PDE4D: variants seen among roughly 807,000 people sequenced by gnomAD.
PDE4D encodes phosphodiesterase 4D.
Under a neutral mutation model 87.4 loss-of-function variants are expected in PDE4D, and 24 were observed. The ratio of observed to expected loss-of-function variants is 0.27; its 90% CI spans 0.20 to 0.39. The LOEUF is 0.39. Ranked by LOEUF, PDE4D falls within the 10% of genes least tolerant of loss-of-function variation. PDE4D has a pLI of 1.00. For synonymous variants in PDE4D, 384 were observed against 383.2 expected, an observed-to-expected ratio of 1.00 and a Z score of -0.02; for missense variants, 714 against 1,041.0, an observed-to-expected ratio of 0.69 and a Z score of 4.32.
intron 1 of PDE4D, among the ~76,000 whole-genome samples, chr5:60,450,788 C>T (rs909437630): frequency 6.6e-6 from 1 of 152,058 alleles, no homozygotes; most frequent in African/African-American, 2.4e-5. Flanking sequence ...TCTTCAACTG[C>T]AGAAAATAGG....
chr5:60,309,109 C>G (rs773086076), intron 1 of PDE4D, among the ~76,000 whole-genome samples: 2 of 151,862 alleles, frequency 1.3e-5, no homozygotes, highest in East Asian at 3.9e-4. Context: ...GTTAATATTA[C>G]TTAAATATTG....
intron 3 of PDE4D, among the ~76,000 whole-genome samples, chr5:59,967,788 C>T (rs1261368412): frequency 1.3e-5 from 2 of 152,092 alleles, no homozygotes; most frequent in Admixed American, 1.3e-4. Context: ...TAAAAAGACA[C>T]ATGCACTCAT....
chr5:60,078,388 G>A (rs138359841), intron 2 of PDE4D, among the ~76,000 whole-genome samples: 193 of 151,982 alleles, frequency 1.3e-3, no homozygotes, highest in African/African-American at 4.4e-3. Flanking sequence ...CATTTTCATT[G>A]GTTGCAAGAG....
chr5:59,530,900 G>C (rs758429371), intron 1 of PDE4D, among the ~76,000 whole-genome samples: 2 of 152,184 alleles, frequency 1.3e-5, no homozygotes, highest in Non-Finnish European at 2.9e-5. Flanking sequence ...TAATGATGTT[G>C]AGTAGATGGT....
At chr5:59,590,843 T>C (rs1242222512) in intron 1 of PDE4D, among the ~76,000 whole-genome samples, 1 of 152,172 alleles carries the variant, frequency 6.6e-6, no homozygotes, top group Non-Finnish European at 1.5e-5. Flanking sequence ...CAAAATACTT[T>C]CAACATTTTC....
chr5:59,195,256 T>C (rs1304139689), intron 2 of PDE4D, among the ~76,000 whole-genome samples: 1 of 152,122 alleles, frequency 6.6e-6, no homozygotes, highest in African/African-American at 2.4e-5. Context: ...TTTACATAAT[T>C]TACCTTGACT....
chr5:60,365,878 T>A (rs1012711026), intron 1 of PDE4D, among the ~76,000 whole-genome samples: 11 of 151,958 alleles, frequency 7.2e-5, no homozygotes, highest in Admixed American at 6.6e-4. Flanking sequence ...ACCCCATCTC[T>A]ACTAAAAATA....
chr5:59,406,337 C>G (rs989397976), intron 1 of PDE4D, among the ~76,000 whole-genome samples: 3 of 148,308 alleles, frequency 2.0e-5, no homozygotes, highest in Non-Finnish European at 4.4e-5. Context: ...ATCTAATGAT[C>G]CTTTGAATTT....
chr5:59,310,180 T>TCCA (rs1772292608), intron 1 of PDE4D, among the ~76,000 whole-genome samples: 1 of 152,198 alleles, frequency 6.6e-6, no homozygotes, highest in Non-Finnish European at 1.5e-5. Flanking sequence ...ATTCAAAGAC[T>TCCA]GGAGACCTTC....
chr5:59,354,838 C>T (rs1260219165), intron 1 of PDE4D, among the ~76,000 whole-genome samples: 2 of 152,150 alleles, frequency 1.3e-5, no homozygotes, highest in East Asian at 3.9e-4. Flanking sequence ...GGCATTTTTG[C>T]TGTATGTAAG....
chr5:59,026,642 G>C (rs1756307412), intron 6 of PDE4D, among the ~76,000 whole-genome samples: 1 of 151,936 alleles, frequency 6.6e-6, no homozygotes. Context: ...AAAGTTCTGT[G>C]GAAAGTCAAA....
intron 2 of PDE4D, among the ~76,000 whole-genome samples, chr5:60,015,110 G>C (rs1765385515): frequency 6.6e-6 from 1 of 152,172 alleles, no homozygotes; most frequent in Admixed American, 6.5e-5. Context: ...TGCAGGGAAG[G>C]GGGATTACAC....
At chr5:59,420,013 G>A (rs965863726) in intron 1 of PDE4D, among the ~76,000 whole-genome samples, 2 of 152,182 alleles carry the variant, frequency 1.3e-5, no homozygotes, top group Non-Finnish European at 1.5e-5. Context: ...GCACGTGGTG[G>A]CAGATGGGGC....
chr5:59,396,460 G>C lies in PDE4D; in HGVS notation c.456-180492C>G, dbSNP rs553784829. On this transcript the variant is annotated intron_variant, in intron 1 of 14. Coordinates refer to ENST00000340635, the MANE Select transcript of PDE4D (RefSeq NM_001104631.2). ...CTTAAAGAAAAGAATTCTCAACCCA[G>C]AATTTCATATCCAGCCAAACTAAGC... 1.1e-3 allele frequency among the ~76,000 whole-genome samples: 110 copies of C among 95,854 alleles called. 25 individuals carry two copies. Among genetic ancestry groups the C allele is most frequent in the Non-Finnish European group, 2.0e-3 (95 of 48,678 alleles). The allele number at this position is 95,854 out of a possible 152,430, so 62.9% of individuals were successfully genotyped here.
chr5:59,341,053 T>C (rs542431121), intron 1 of PDE4D, among the ~76,000 whole-genome samples: 34 of 152,258 alleles, frequency 2.2e-4, no homozygotes, highest in African/African-American at 7.5e-4. Context: ...AAATTTTTAC[T>C]TTTTTTCACA....
intron 5 of PDE4D, among the ~76,000 whole-genome samples, chr5:59,103,090 C>T (rs1771033284): frequency 6.6e-6 from 1 of 152,094 alleles, no homozygotes; most frequent in East Asian, 1.9e-4. Context: ...AATATGGTAT[C>T]CTGTCTACTT....
chr5:59,646,760 G>A (rs1410304462), intron 1 of PDE4D, among the ~76,000 whole-genome samples: 2 of 152,258 alleles, frequency 1.3e-5, no homozygotes, highest in South Asian at 2.1e-4. Flanking sequence ...AATAGGCCGG[G>A]TGCGGTAGCT....
chr5:59,871,058 A>G (rs1747750270), intron 1 of PDE4D, among the ~76,000 whole-genome samples: 1 of 152,234 alleles, frequency 6.6e-6, no homozygotes, highest in Non-Finnish European at 1.5e-5. Flanking sequence ...AGGCCCTTAC[A>G]CTATCTCCTC....
chr5:59,043,212 T>A (rs573360277), intron 5 of PDE4D, among the ~76,000 whole-genome samples: 59 of 150,730 alleles, frequency 3.9e-4, no homozygotes, highest in Non-Finnish European at 7.4e-4. Context: ...GCCCTTAATT[T>A]AAAAAAAAAA....
Sources: allele counts gnomAD v4.1 joint callset (sites outside exome capture counted in the v4.1 genomes callset), GRCh38; gene constraint gnomAD v4.1.1; transcripts MANE v1.5; gene names NCBI Gene and HGNC (gene_info 2026-07-23, HGNC 2026-07-21).